PDGFC: variants seen among roughly 807,000 people sequenced by gnomAD.
PDGFC encodes platelet derived growth factor C, also known as platelet-derived growth factor C.
PDGFC carries 12 observed loss-of-function variants against 35.5 expected under a neutral mutation model. The observed-to-expected ratio is 0.34, with a 90% CI of 0.22 to 0.55. The LOEUF is 0.55. Ranked by LOEUF, PDGFC falls within the 20% of genes least tolerant of loss-of-function variation. The pLI, the probability that PDGFC is intolerant of heterozygous loss-of-function variation, is 0.91. For synonymous variants in PDGFC, 159 were observed against 148.8 expected (o/e 1.07, Z -0.50); for missense variants, 322 against 412.4 (o/e 0.78, Z 1.90).
At chr4:156,776,854 G>A (rs1045971731) in intron 3 of PDGFC, among the ~76,000 whole-genome samples, 4 of 152,096 alleles carry the variant, frequency 2.6e-5, no homozygotes, top group African/African-American at 9.7e-5. Flanking sequence ...CTGTGCCTCA[G>A]TTTCCTCCAC....
intron 3 of PDGFC, 126 bp from the exon 4 acceptor site, chr4:156,773,019 A>T (rs112577122): frequency 6.3e-6 from 4 of 639,638 alleles, no homozygotes; most frequent in Non-Finnish European, 1.1e-5. Flanking sequence ...ATTGAATCCA[A>T]TTAGAAATAA....
rs1219028365 is a variant in PDGFC at position 156,971,581 on chromosome 4, G to A, written c.-678C>T. On this transcript the variant is annotated 5_prime_UTR_variant, in exon 1 of 6. Coordinates refer to ENST00000502773, the MANE Select transcript of PDGFC (RefSeq NM_016205.3). ...CGCTCCTCAGCCCGGAGCGCAGTTG[G>A]CCCCGGGTTCGGAGCGCCGCAGCAC... Among the ~76,000 whole-genome samples the A allele has an allele frequency of 6.6e-6, 1 of 151,382 alleles. No homozygotes were observed. Among genetic ancestry groups the A allele is most frequent in the Non-Finnish European group, 1.5e-5 (1 of 67,768 alleles).
intron 1 of PDGFC, among the ~76,000 whole-genome samples, chr4:156,928,322 C>T (rs1186819390): frequency 6.6e-6 from 1 of 152,074 alleles, no homozygotes; most frequent in East Asian, 1.9e-4. Context: ...AACTCCTGGG[C>T]TCAAGAGATC....
In PDGFC at chr4:156,764,288, T is replaced by C. The variant is rs143508772; in HGVS notation, c.922-1082A>G. On this transcript the variant is annotated intron_variant, in intron 5 of 5. Transcript: ENST00000502773. The stretch of plus-strand genomic sequence containing the variant: ...GAAAAACAGAGAATGCATACCTCAC[T>C]GGAGTATGTGGTAATATCAGAGGTT... 2.4e-3 allele frequency among the ~76,000 whole-genome samples: 370 copies of C among 152,336 alleles called. 2 individuals carry two copies. Among genetic ancestry groups the C allele is most frequent in the African/African-American group, 8.4e-3 (351 of 41,576 alleles).
chr4:156,862,208 T>C (rs1729729633), intron 1 of PDGFC, among the ~76,000 whole-genome samples: 1 of 152,132 alleles, frequency 6.6e-6, no homozygotes, highest in Non-Finnish European at 1.5e-5. Context: ...AAATAAATCC[T>C]CTGAAATAAA....
At chr4:156,838,885 G>A (rs530259308) in intron 2 of PDGFC, among the ~76,000 whole-genome samples, 48 of 152,240 alleles carry the variant, frequency 3.2e-4, no homozygotes, top group East Asian at 2.5e-3. Flanking sequence ...TACAAAGTCC[G>A]GAGGAGTCAA....
At chr4:156,925,736 T>C (rs1171488391) in intron 1 of PDGFC, among the ~76,000 whole-genome samples, 1 of 136,500 alleles carries the variant, frequency 7.3e-6, no homozygotes, top group Non-Finnish European at 1.6e-5. Context: ...AGAGGCAGTA[T>C]TATTCTAAAA....
chr4:156,919,924 G>C (rs527639137), intron 1 of PDGFC, among the ~76,000 whole-genome samples: 6 of 152,130 alleles, frequency 3.9e-5, no homozygotes, highest in Non-Finnish European at 8.8e-5. Context: ...TGGATCATGA[G>C]TGTCAGTCCC....
chr4:156,965,055 G>T (rs1317087122), intron 1 of PDGFC, among the ~76,000 whole-genome samples: 2 of 152,134 alleles, frequency 1.3e-5, no homozygotes, highest in Admixed American at 6.5e-5. Context: ...CTATCCATTT[G>T]CCTGGTACCT....
At chr4:156,779,203 C>G (rs1730913943) in intron 3 of PDGFC, 3 of 455,914 alleles carry the variant, frequency 6.6e-6, no homozygotes, top group Non-Finnish European at 1.3e-5. Context: ...TTTAAACACG[C>G]TTCTTTGCCT....
At position 156,919,079 on chromosome 4, in the gene PDGFC, C is replaced by T. The variant is rs114712951; in HGVS notation, c.118+51707G>A. Among the ~76,000 whole-genome samples, 574 of 152,152 alleles carry T rather than the reference C, an allele frequency of 3.8e-3. 2 individuals carry two copies. Among genetic ancestry groups the T allele is most frequent in the Non-Finnish European group, 5.6e-3 (384 of 68,010 alleles). On this transcript the variant is annotated intron_variant, in intron 1 of 5. Coordinates refer to ENST00000502773, the MANE Select transcript of PDGFC (RefSeq NM_016205.3). ...TAACAATGTTTTGTTTACTTCTTTC[C>T]GAATACATATTCCATCTGATATAAG...
At chr4:156,858,584 T>A (rs1729637852) in intron 1 of PDGFC, among the ~76,000 whole-genome samples, 1 of 152,070 alleles carries the variant, frequency 6.6e-6, no homozygotes, top group African/African-American at 2.4e-5. Context: ...TAGGAGTAAT[T>A]CATATTACAA....
At chr4:156,944,432 T>C (rs1731886997) in intron 1 of PDGFC, among the ~76,000 whole-genome samples, 1 of 152,152 alleles carries the variant, frequency 6.6e-6, no homozygotes, top group South Asian at 2.1e-4. Flanking sequence ...TTCTCTTCTA[T>C]TGATCTACTC....
rs1330558142 is a variant in PDGFC at position 156,856,207 on chromosome 4, T to TA, written c.119-5792dup. ...CAAATAAATATTCACTAAGGAAAAG[T>TA]AAAAAAAGTGATTGCTATATTCAGT... On this transcript the variant is annotated intron_variant, in intron 1 of 5. Transcript: ENST00000502773. Among the ~76,000 whole-genome samples, 6 of 151,974 alleles carry TA rather than the reference T, an allele frequency of 3.9e-5. No homozygotes were observed. The East Asian group carries it at 5.8e-4, about 15-fold the overall frequency.
chr4:156,922,033 T>G (rs150424948), intron 1 of PDGFC, among the ~76,000 whole-genome samples: 293 of 152,272 alleles, frequency 1.9e-3, no homozygotes, highest in African/African-American at 6.1e-3. Flanking sequence ...CACTAAGGGA[T>G]CTTTAGCCTA....
intron 1 of PDGFC, among the ~76,000 whole-genome samples, chr4:156,967,123 C>T (rs1234182552): frequency 2.6e-5 from 4 of 151,904 alleles, no homozygotes; most frequent in African/African-American, 9.7e-5. Flanking sequence ...AGGAAAGTCC[C>T]TTTAGTCTGC....
chr4:156,767,764 T>C lies in PDGFC; in HGVS notation c.921+9A>G. ...CCGAAGGAAACCAAAAAGAAAATTGTATACCTACCTCGTGGTATTTTTTAG... is the reference window on the plus strand; with the variant it reads ...CCGAAGGAAACCAAAAAGAAAATTGCATACCTACCTCGTGGTATTTTTTAG... On this transcript the variant is annotated intron_variant, in intron 5 of 5. Coordinates refer to ENST00000502773, the MANE Select transcript of PDGFC (RefSeq NM_016205.3). 6.4e-7 allele frequency: 1 copy of C among 1,570,850 alleles called. No individual in the cohort carries two copies. The highest frequency in any genetic ancestry group is 1.1e-5 in the South Asian group (1 of 90,162).
chr4:156,950,411 C>T (rs181309926), intron 1 of PDGFC, among the ~76,000 whole-genome samples: 1 of 151,858 alleles, frequency 6.6e-6, no homozygotes, highest in Non-Finnish European at 1.5e-5. Context: ...TCCCAAACTT[C>T]ATTGGCGCTA....
chr4:156,900,905 AAGGGAGGGAGGGAGAGAGGAAGTG>A, intron 1 of PDGFC, among the ~76,000 whole-genome samples: 1 of 129,530 alleles, frequency 7.7e-6, no homozygotes, highest in African/African-American at 2.8e-5. Flanking sequence ...AGGAGGGAGG[AAGGGAGGGAGGGAGAGAGGAAGTG>A]AGGGAGGGAG....
Sources: gnomAD v4.1 joint callset for allele counts (sites outside exome capture counted in the v4.1 genomes callset) on GRCh38, gnomAD v4.1.1 for gene constraint, MANE v1.5 for transcripts, NCBI Gene and HGNC (gene_info 2026-07-23, HGNC 2026-07-21) for gene names.